PTPRD: variants seen among roughly 807,000 people sequenced by gnomAD.
PTPRD encodes the protein receptor-type tyrosine-protein phosphatase delta.
A neutral mutation model predicts 214.5 loss-of-function variants in PTPRD; 34 were observed. That is an observed-to-expected ratio of 0.16 (90% CI 0.12 to 0.21). PTPRD has a LOEUF of 0.21. Among genes scored for constraint, PTPRD ranks in the 10% least tolerant of loss-of-function variants. The pLI is 1.00. For synonymous variants in PTPRD, 1,128 were observed against 845.7 expected (o/e 1.33, Z -5.79); for missense variants, 2,545 against 2,398.7 (o/e 1.06, Z -1.27).
chr9:10,042,044 A>G (rs1366905997), intron 3 of PTPRD, among the ~76,000 whole-genome samples: 4 of 152,074 alleles, frequency 2.6e-5, no homozygotes, highest in Non-Finnish European at 5.9e-5. Flanking sequence ...ATGACAATGA[A>G]TAATGTTAAG....
At chr9:10,277,430 C>A (rs549577550) in intron 3 of PTPRD, among the ~76,000 whole-genome samples, 3 of 152,202 alleles carry the variant, frequency 2.0e-5, no homozygotes, top group Admixed American at 6.5e-5. Flanking sequence ...CTCGGCACCA[C>A]TAGTTTAGTT....
At chr9:10,136,414 C>G (rs1406526867) in intron 3 of PTPRD, among the ~76,000 whole-genome samples, 1 of 152,094 alleles carries the variant, frequency 6.6e-6, no homozygotes, top group East Asian at 1.9e-4. Flanking sequence ...CTCAACCTAA[C>G]AACCGCAAAG....
chr9:9,739,096 A>G (rs2098353912), intron 6 of PTPRD, among the ~76,000 whole-genome samples: 1 of 152,178 alleles, frequency 6.6e-6, no homozygotes, highest in Non-Finnish European at 1.5e-5. Flanking sequence ...TAATAGTTTT[A>G]TCTAGTCTAT....
At chr9:10,235,961 GTGGTTCTGGGAAC>G (rs1171687769) in intron 3 of PTPRD, among the ~76,000 whole-genome samples, 1 of 151,932 alleles carries the variant, frequency 6.6e-6, no homozygotes, top group East Asian at 1.9e-4. Flanking sequence ...CTCAAATACA[GTGGTTCTGGGAAC>G]TAGCCTGCTT....
At chr9:9,570,335 C>T (rs1240643174) in intron 8 of PTPRD, among the ~76,000 whole-genome samples, 1 of 151,466 alleles carries the variant, frequency 6.6e-6, no homozygotes, top group Non-Finnish European at 1.5e-5. Context: ...TATTTTCCTT[C>T]ATGCAGGATG....
rs1022794628 is a variant in PTPRD, at chr9:8,528,753, T to C, written c.379A>G (p.Thr127Ala). Residue 127 changes from threonine to alanine, a missense_variant, in exon 15 of 46, where the codon ACC becomes GCC. Thr to Ala is a moderately conservative substitution (Grantham distance 58, BLOSUM62 0). Coordinates refer to ENST00000381196, the MANE Select transcript of PTPRD (RefSeq NM_002839.4). ...REDQIPRGFP[T>A]IDMGPQLKVV... is the part of the protein sequence containing the mutation. ...TTCAACTGTGGGCCCATGTCAATGG[T>C]AGGGAAGCCCCTGGGAATTTGATCT... 4.3e-6 allele frequency: 7 copies of C among 1,613,294 alleles called. No homozygotes were observed. Among genetic ancestry groups the C allele is most frequent in the Non-Finnish European group, 5.9e-6 (7 of 1,179,626 alleles).
At chr9:9,969,638 T>C (rs931066514) in intron 4 of PTPRD, among the ~76,000 whole-genome samples, 1 of 152,224 alleles carries the variant, frequency 6.6e-6, no homozygotes, top group Non-Finnish European at 1.5e-5. Flanking sequence ...CATTTTACTT[T>C]TGTGGCTCAT....
Position 10,077,908 on chromosome 9 carries a change from T to G in PTPRD, c.-544-44118A>C, listed in dbSNP as rs140321001. Among the ~76,000 whole-genome samples, 339 of 152,132 alleles carry G rather than the reference T, an allele frequency of 2.2e-3. 3 individuals are homozygous for G. Among genetic ancestry groups the G allele is most frequent in the African/African-American group, 7.0e-3 (291 of 41,520 alleles). On this transcript the variant is annotated intron_variant, in intron 3 of 45. Coordinates refer to ENST00000381196, the MANE Select transcript of PTPRD (RefSeq NM_002839.4). The stretch of plus-strand genomic sequence containing the variant: ...TCTCTGTTCATTCTGGTTTTGGTAA[T>G]CCACCTACCATAATGTTAGTATTAC...
rs1030786408 is a variant in PTPRD, at chr9:9,002,994, C to T, written c.-104+15703G>A. ...GGGACTACTGCTGGAAATTAATCAC[C>T]GTAGAAGTATTTAACCCAAAGAAAT... is the stretch of plus-strand genomic sequence containing the variant. On this transcript the variant is annotated intron_variant, in intron 11 of 45. Transcript: ENST00000381196. 4.6e-5 allele frequency among the ~76,000 whole-genome samples: 7 copies of T among 151,948 alleles called. No individual in the cohort carries two copies. In the South Asian group the frequency reaches 1.2e-3, roughly 27 times the overall value.
intron 8 of PTPRD, among the ~76,000 whole-genome samples, chr9:9,553,656 G>A (rs148440562): frequency 0.018 from 2,663 of 152,068 alleles, 41 homozygotes; most frequent in Admixed American, 0.027. Context: ...TTTCTTTACT[G>A]AAAAGTAAAT....
At chr9:10,230,724 G>C (rs1414862700) in intron 3 of PTPRD, among the ~76,000 whole-genome samples, 1 of 151,898 alleles carries the variant, frequency 6.6e-6, no homozygotes, top group African/African-American at 2.4e-5. Context: ...TTTGAGTTAA[G>C]GCACAGGATA....
intron 43 of PTPRD, among the ~76,000 whole-genome samples, chr9:8,338,554 T>G (rs1849194744): frequency 6.6e-6 from 1 of 151,972 alleles, no homozygotes; most frequent in African/African-American, 2.4e-5. Flanking sequence ...AACAACATAT[T>G]TAGAGCCTCA....
chr9:9,395,807 C>T (rs888872946), intron 9 of PTPRD, among the ~76,000 whole-genome samples: 8 of 152,048 alleles, frequency 5.3e-5, no homozygotes, highest in African/African-American at 1.9e-4. Context: ...TCAAGCAAAA[C>T]TCAAGTACTT....
chr9:9,432,367 C>T (rs1162424010), intron 8 of PTPRD, among the ~76,000 whole-genome samples: 1 of 152,036 alleles, frequency 6.6e-6, no homozygotes, highest in Non-Finnish European at 1.5e-5. Context: ...ACTTTGCATG[C>T]TTAGTTAATA....
chr9:10,207,156 G>A (rs1239430356), intron 3 of PTPRD, among the ~76,000 whole-genome samples: 1 of 151,932 alleles, frequency 6.6e-6, no homozygotes, highest in South Asian at 2.1e-4. Context: ...GCTCCTTCCT[G>A]GACAAAGACC....
intron 9 of PTPRD, among the ~76,000 whole-genome samples, chr9:9,367,981 G>A (rs1232823880): frequency 6.6e-6 from 1 of 151,760 alleles, no homozygotes; most frequent in Non-Finnish European, 1.5e-5. Flanking sequence ...CATCGTATAT[G>A]TTGACGTAAG....
At chr9:9,441,816 C>T (rs1569568355) in intron 8 of PTPRD, among the ~76,000 whole-genome samples, 1 of 152,196 alleles carries the variant, frequency 6.6e-6, no homozygotes, top group Admixed American at 6.5e-5. Flanking sequence ...TCAAGCTTTG[C>T]AGAATGGTGT....
intron 9 of PTPRD, among the ~76,000 whole-genome samples, chr9:9,389,144 T>C (rs1007091860): frequency 6.6e-6 from 1 of 152,168 alleles, no homozygotes; most frequent in South Asian, 2.1e-4. Flanking sequence ...ATAATATATG[T>C]AAAACATGTA....
At chr9:9,845,446 C>T (rs1037869978) in intron 5 of PTPRD, among the ~76,000 whole-genome samples, 3 of 151,544 alleles carry the variant, frequency 2.0e-5, no homozygotes, top group South Asian at 2.1e-4. Flanking sequence ...GAGGACACCC[C>T]TTAAGTGAAT....
Sources: allele counts gnomAD v4.1 joint callset (sites outside exome capture counted in the v4.1 genomes callset), GRCh38; gene constraint gnomAD v4.1.1; transcripts MANE v1.5; gene names NCBI Gene and HGNC (gene_info 2026-07-23, HGNC 2026-07-21).